Variants in ASTN2 observed in about 807,000 individuals in gnomAD.
The protein encoded by ASTN2 is astrotactin 2.
ASTN2 carries 54 observed loss-of-function variants against 139.8 expected under a neutral mutation model. The ratio of observed to expected loss-of-function variants is 0.39; its 90% CI spans 0.31 to 0.48. The LOEUF is 0.48. Ranked by LOEUF, ASTN2 falls within the 20% of genes least tolerant of loss-of-function variation. The probability of loss-of-function intolerance (pLI) is 0.95; values close to 1 mark genes in which losing one functional copy is unlikely to be tolerated. For synonymous variants in ASTN2, 756 were observed against 719.5 expected (o/e 1.05, Z -0.81); for missense variants, 1,565 against 1,725.1 (o/e 0.91, Z 1.64).
chr9:116,855,371 T>C (rs992447276), intron 11 of ASTN2, among the ~76,000 whole-genome samples: 1 of 152,240 alleles, frequency 6.6e-6, no homozygotes, highest in Admixed American at 6.5e-5. Flanking sequence ...CTTTGAGTCC[T>C]GTGTGCAGGC....
At chr9:116,573,414 T>C (rs1853601699) in intron 19 of ASTN2, among the ~76,000 whole-genome samples, 1 of 152,206 alleles carries the variant, frequency 6.6e-6, no homozygotes, top group African/African-American at 2.4e-5. Context: ...TTTTTTCTCA[T>C]GGGATATCTC....
At position 116,962,377 on chromosome 9, in the gene ASTN2, A is replaced by G. The variant is rs73655560; in HGVS notation, c.1889+12831T>C. ...ACCAGTTCCCTCTGCCCACTCCCAAAATATGTGTGTGTGCTTCAAAAGATG... is the reference window on the plus strand; with the variant it reads ...ACCAGTTCCCTCTGCCCACTCCCAAGATATGTGTGTGTGCTTCAAAAGATG... On this transcript the variant is annotated intron_variant, in intron 10 of 22. Transcript: ENST00000313400. Among the ~76,000 whole-genome samples the G allele has an allele frequency of 6.2e-3, 951 of 152,270 alleles. 12 individuals carry two copies. The highest frequency in any genetic ancestry group is 0.021 in the African/African-American group (891 of 41,548).
At chr9:116,532,994 A>G (rs1851428125) in intron 19 of ASTN2, among the ~76,000 whole-genome samples, 5 of 152,240 alleles carry the variant, frequency 3.3e-5, no homozygotes, top group Admixed American at 3.3e-4. Flanking sequence ...ATCCATGAGC[A>G]TGGAATGTTC....
At chr9:116,449,589 C>A (rs1014597247) in intron 20 of ASTN2, among the ~76,000 whole-genome samples, 3 of 152,108 alleles carry the variant, frequency 2.0e-5, no homozygotes, top group African/African-American at 7.2e-5. Context: ...TAAAACAAGA[C>A]CCCCGCCCCA....
intron 10 of ASTN2, among the ~76,000 whole-genome samples, chr9:116,956,729 G>T (rs1263356401): frequency 6.6e-6 from 1 of 151,862 alleles, no homozygotes; most frequent in Non-Finnish European, 1.5e-5. Context: ...CTTCGGCAAG[G>T]TTGCACAGTA....
chr9:117,142,413 C>A (rs1475342256), intron 3 of ASTN2, among the ~76,000 whole-genome samples: 9 of 152,292 alleles, frequency 5.9e-5, no homozygotes, highest in East Asian at 1.9e-4. Context: ...TTAGGAGACA[C>A]AACCACAGTA....
intron 2 of ASTN2, among the ~76,000 whole-genome samples, chr9:117,280,317 T>C (rs1044827887): frequency 2.6e-5 from 4 of 152,198 alleles, no homozygotes; most frequent in African/African-American, 9.6e-5. Context: ...TGTGGTCAGT[T>C]GAATAGTGGG....
chr9:116,629,532 CA>C (rs1364424410), intron 17 of ASTN2, among the ~76,000 whole-genome samples: 1 of 152,134 alleles, frequency 6.6e-6, no homozygotes, highest in Non-Finnish European at 1.5e-5. Context: ...CTTCAAATCC[CA>C]AGCAGTGCCC....
intron 10 of ASTN2, among the ~76,000 whole-genome samples, chr9:116,882,104 T>C (rs1833464968): frequency 6.6e-6 from 1 of 152,172 alleles, no homozygotes; most frequent in Non-Finnish European, 1.5e-5. Context: ...CATCACTCCA[T>C]TTATTATTAC....
At chr9:117,331,297 T>G (rs1295060946) in intron 1 of ASTN2, among the ~76,000 whole-genome samples, 1 of 152,146 alleles carries the variant, frequency 6.6e-6, no homozygotes, top group Non-Finnish European at 1.5e-5. Context: ...CCTCTTTCCC[T>G]TCTGTTCTTT....
chr9:116,583,349 A>G (rs528809887), intron 19 of ASTN2: 1 of 152,324 alleles, frequency 6.6e-6, no homozygotes, highest in African/African-American at 2.4e-5. Flanking sequence ...GAATGCCATG[A>G]TCTCCCTCCA....
At chr9:116,899,354 G>A (rs184697177) in intron 10 of ASTN2, among the ~76,000 whole-genome samples, 18 of 152,264 alleles carry the variant, frequency 1.2e-4, no homozygotes, top group South Asian at 4.1e-4. Flanking sequence ...TACATGGGCT[G>A]TTTCCTCACC....
intron 10 of ASTN2, among the ~76,000 whole-genome samples, chr9:116,960,273 T>A (rs10739479): frequency 0.34 from 52,338 of 151,970 alleles, 9,487 homozygotes; most frequent in Admixed American, 0.42. Context: ...TGATGCTCAT[T>A]CCTGAGGCCA....
chr9:117,211,862 T>G (rs957122401), intron 3 of ASTN2, among the ~76,000 whole-genome samples: 5 of 151,710 alleles, frequency 3.3e-5, no homozygotes, highest in African/African-American at 4.8e-5. Context: ...AGGTAAAAGA[T>G]CTCTACAAGA....
At chr9:116,778,324 G>C (rs1225928836) in intron 13 of ASTN2, among the ~76,000 whole-genome samples, 2 of 152,134 alleles carry the variant, frequency 1.3e-5, no homozygotes, top group African/African-American at 4.8e-5. Context: ...TGAGCTGCAG[G>C]AAGGACATAA....
intron 5 of ASTN2, among the ~76,000 whole-genome samples, chr9:117,079,433 C>T (rs1275482848): frequency 6.6e-6 from 1 of 152,136 alleles, no homozygotes; most frequent in Non-Finnish European, 1.5e-5. Context: ...TTAAATCAAA[C>T]TCTGGACTGA....
intron 10 of ASTN2, among the ~76,000 whole-genome samples, chr9:116,937,043 C>G (rs968162629): frequency 2.6e-5 from 4 of 152,104 alleles, no homozygotes; most frequent in African/African-American, 9.7e-5. Context: ...TAAACACAGG[C>G]CTGGTAACTT....
intron 7 of ASTN2, among the ~76,000 whole-genome samples, chr9:116,983,688 C>A (rs948716486): frequency 5.3e-5 from 8 of 152,318 alleles, no homozygotes; most frequent in Non-Finnish European, 1.2e-4. Context: ...TCAGGCTTGG[C>A]ATATGACTTG....
intron 19 of ASTN2, chr9:116,582,209 A>C (rs1048065964): frequency 2.7e-4 from 41 of 152,288 alleles, no homozygotes; most frequent in Middle Eastern, 3.4e-3. Context: ...TCCAGGACTC[A>C]ATTTTCTTGC....
Sources: gnomAD v4.1 joint callset for allele counts (sites outside exome capture counted in the v4.1 genomes callset) on GRCh38, gnomAD v4.1.1 for gene constraint, MANE v1.5 for transcripts, NCBI Gene and HGNC (gene_info 2026-07-23, HGNC 2026-07-21) for gene names.